NBEAL1: variants seen among roughly 807,000 people sequenced by gnomAD.
NBEAL1 encodes the protein neurobeachin-like protein 1.
A neutral mutation model predicts 351.3 loss-of-function variants in NBEAL1; 273 were observed. That is an observed-to-expected ratio of 0.78 (90% CI 0.70 to 0.86). The LOEUF (loss-of-function observed/expected upper bound fraction) is 0.86. Ranked by LOEUF, NBEAL1 falls within the 40% of genes least tolerant of loss-of-function variation. The pLI is 0.00. For missense variants in NBEAL1, 2,961 were observed against 3,201.3 expected, an observed-to-expected ratio of 0.92 and a Z score of 1.81; for synonymous variants, 1,050 against 1,086.4, an observed-to-expected ratio of 0.97 and a Z score of 0.66.
rs763314269 is a variant in NBEAL1 at position 203,126,850 on chromosome 2, A to G, written c.3172A>G (p.Ile1058Val). 4.1e-5 allele frequency: 63 copies of G among 1,552,464 alleles called. 1 individual carries two copies. In the South Asian group the frequency reaches 6.9e-4, roughly 17 times the overall value. Reference protein sequence around the residue: ...IGHIQYLSTIIKDSRRVFRKK... With the variant: ...IGHIQYLSTIVKDSRRVFRKK... The stretch of plus-strand genomic sequence containing the variant: ...TCACATACAGTATCTTTCAACCATC[A>G]TTAAAGACAGCAGGAGAGTTTTCCG... Residue 1058 changes from isoleucine (I) to valine (V), a missense_variant, in exon 23 of 56, where the codon ATT (isoleucine) becomes GTT (valine). Coordinates refer to ENST00000683969, the MANE Select transcript of NBEAL1 (RefSeq NM_001378026.1).
rs772281297 is a variant in NBEAL1, at chr2:203,211,034, A to C, written c.7862A>C (p.Asp2621Ala). 23 of 1,607,750 alleles carry C rather than the reference A, an allele frequency of 1.4e-5. No individual in the cohort carries two copies. Among genetic ancestry groups the C allele is most frequent in the Middle Eastern group, 3.3e-4 (2 of 6,046 alleles). ...GSQILKEQVS[D>A]ICIIGEHIVT... is the part of the protein sequence containing the mutation. ...CAAATCCTGAAGGAACAAGTATCAG[A>C]TATATGTATAATCGGAGAACACATT... Residue 2621 changes from aspartate to alanine, a missense_variant, in exon 54 of 56, where the codon GAT (aspartate) becomes GCT (alanine). By Grantham distance (126) the Asp-to-Ala change is moderately radical (BLOSUM62 -2). Coordinates refer to ENST00000683969, the MANE Select transcript of NBEAL1 (RefSeq NM_001378026.1).
intron 29 of NBEAL1, among the ~76,000 whole-genome samples, chr2:203,137,799 C>A (rs762379811): frequency 6.6e-6 from 1 of 151,970 alleles, no homozygotes; most frequent in Non-Finnish European, 1.5e-5. Context: ...GCCTATCCAA[C>A]ATGGCAAAAC....
chr2:203,049,219 C>T (rs13396160), intron 3 of NBEAL1, among the ~76,000 whole-genome samples: 61,422 of 151,732 alleles, frequency 0.4, 12,832 homozygotes, highest in East Asian at 0.63. Flanking sequence ...ACAATGAAAC[C>T]AGCTAATTTT....
At chr2:203,133,190 C>A in intron 27 of NBEAL1, 44 bp downstream of exon 27, 1 of 814,122 alleles carries the variant, frequency 1.2e-6, no homozygotes, top group South Asian at 2.1e-5. Flanking sequence ...GCAGCATCAC[C>A]ATCATGCTAT....
chr2:203,212,399 G>A (rs1290784870), intron 54 of NBEAL1, among the ~76,000 whole-genome samples: 3 of 151,634 alleles, frequency 2.0e-5, no homozygotes, highest in Non-Finnish European at 2.9e-5. Flanking sequence ...TTGAGGTCAG[G>A]AGTTCAAGAC....
At position 203,193,888 on chromosome 2, in the gene NBEAL1, G is replaced by C. The variant is rs758383965; in HGVS notation, c.7015G>C (p.Glu2339Gln). ...STLNLFQHLP[E>Q]LKSFFIEGIS... Reference sequence around the variant, plus strand: ...CCTAAACCTGTTTCAACACCTTCCTGAACTCAAGTCATTTTTTATAGAGGT... The same window carrying C: ...CCTAAACCTGTTTCAACACCTTCCTCAACTCAAGTCATTTTTTATAGAGGT... The change falls in exon 47 of 56, where the codon GAA becomes CAA. Residue 2339 changes from glutamate (E) to glutamine (Q), a missense_variant. Physicochemically the swap from Glu to Gln is conservative, Grantham distance 29 (BLOSUM62 2). Transcript: ENST00000683969. 6.2e-7 allele frequency: 1 copy of C among 1,606,686 alleles called. No individual in the cohort carries two copies. The highest frequency in any genetic ancestry group is 1.1e-5 in the South Asian group (1 of 90,128).
intron 34 of NBEAL1, 36 bp downstream of exon 34, chr2:203,149,184 C>A: frequency 6.6e-7 from 1 of 1,507,940 alleles, no homozygotes; most frequent in South Asian, 1.4e-5. Flanking sequence ...ACTCCTTTTT[C>A]TTTAGTACTC....
chr2:203,128,262 CTTTTTTTTTTTT>C (rs11355179), intron 24 of NBEAL1, among the ~76,000 whole-genome samples: 1 of 94,936 alleles, frequency 1.1e-5, no homozygotes, highest in Non-Finnish European at 2.0e-5. Flanking sequence ...AATTTTTTGC[CTTTTTTTTTTTT>C]TTTTTTTTTT....
In NBEAL1 at chr2:203,201,705, C is replaced by T. The variant is rs2065404382; in HGVS notation, c.7401C>T (p.Ile2467=). The change falls in exon 50 of 56, where the codon ATC becomes ATT. Residue 2467 remains isoleucine, a synonymous_variant. Transcript: ENST00000683969. ...AAGGCAAAATTATCTCACACATCAT[C>T]CGGCATATGGGTAAGCATTAGCTTT... ...LTKGKIISHI[I]RHMDIVTCLA... is the part of the protein sequence containing the mutation. 3.1e-6 allele frequency: 5 copies of T among 1,598,752 alleles called. No homozygotes were observed. The highest frequency in any genetic ancestry group is 4.3e-6 in the Non-Finnish European group (5 of 1,171,326).
At chr2:203,028,764 T>C (rs1395231000) in intron 2 of NBEAL1, among the ~76,000 whole-genome samples, 1 of 152,102 alleles carries the variant, frequency 6.6e-6, no homozygotes, top group Non-Finnish European at 1.5e-5. Flanking sequence ...TGTATGCACA[T>C]GTCCCTTGAA....
At chr2:203,103,296 C>T (rs1317943589) in intron 12 of NBEAL1, among the ~76,000 whole-genome samples, 1 of 150,566 alleles carries the variant, frequency 6.6e-6, no homozygotes, top group Non-Finnish European at 1.5e-5. Context: ...TTTTTGGAGA[C>T]AGAGTCTCTG....
chr2:203,090,237 C>T (rs2062038582), intron 10 of NBEAL1, among the ~76,000 whole-genome samples: 1 of 152,006 alleles, frequency 6.6e-6, no homozygotes, highest in African/African-American at 2.4e-5. Context: ...GGTACAAGTG[C>T]AGTTTTGTTA....
intron 36 of NBEAL1, among the ~76,000 whole-genome samples, chr2:203,164,010 G>T (rs921803052): frequency 6.6e-6 from 1 of 151,840 alleles, no homozygotes; most frequent in African/African-American, 2.4e-5. Flanking sequence ...CTGTATACAA[G>T]AATTTTTTCA....
At chr2:203,166,541 G>A (rs2064136882) in intron 37 of NBEAL1, among the ~76,000 whole-genome samples, 1 of 151,990 alleles carries the variant, frequency 6.6e-6, no homozygotes. Flanking sequence ...ACAAAATACA[G>A]TGTTTATTAT....
intron 36 of NBEAL1, among the ~76,000 whole-genome samples, chr2:203,159,984 AC>A (rs1177081248): frequency 6.6e-6 from 1 of 150,626 alleles, no homozygotes; most frequent in Non-Finnish European, 1.5e-5. Context: ...TTTTCCTAGT[AC>A]CTAATAATGT....
At chr2:203,214,063 A>G (rs1356111337) in intron 55 of NBEAL1, among the ~76,000 whole-genome samples, 2 of 152,212 alleles carry the variant, frequency 1.3e-5, no homozygotes, top group African/African-American at 4.8e-5. Context: ...TTTTATTTGT[A>G]ACTACAAATA....
chr2:203,144,530 G>C, intron 31 of NBEAL1, 70 bp from the exon 32 acceptor site: 1 of 1,415,076 alleles, frequency 7.1e-7, no homozygotes, highest in Non-Finnish European at 9.6e-7. Context: ...CACAGAGCCA[G>C]GCAGAACTTG....
chr2:203,208,594 A>G (rs2065677080), intron 51 of NBEAL1, 43 bp from the exon 52 acceptor site: 2 of 1,425,576 alleles, frequency 1.4e-6, no homozygotes, highest in Non-Finnish European at 2.0e-6. Flanking sequence ...AAAACAGGAA[A>G]CAAGAAACCA....
Position 203,127,807 on chromosome 2 carries a change from CTCTAGATGATATTCGA to C in NBEAL1, c.3276_3291del (p.Leu1093GlnfsTer2). On this transcript the variant is annotated frameshift_variant, in exon 24 of 56. Transcript: ENST00000683969. LOFTEE classifies it high-confidence loss of function. ...AATGGTTGTAAATATAATGAACTATCTCTAGATGATATTCGAACAATAAGGACTTCTTTGTATGGAC... is the reference window on the plus strand; with the variant it reads ...AATGGTTGTAAATATAATGAACTATCACAATAAGGACTTCTTTGTATGGAC... 1.3e-6 allele frequency: 2 copies of C among 1,516,256 alleles called. No homozygotes were observed. Among genetic ancestry groups the C allele is most frequent in the South Asian group, 2.4e-5 (2 of 83,306 alleles). 93.9% of individuals were successfully genotyped at this position (1,516,256 alleles called of 1,614,324 possible). A position where few individuals can be genotyped will look rare whatever the true frequency, so the allele number is the denominator to read the frequency against.
Sources: allele counts gnomAD v4.1 joint callset (sites outside exome capture counted in the v4.1 genomes callset), GRCh38; gene constraint gnomAD v4.1.1; transcripts MANE v1.5; gene names NCBI Gene and HGNC (gene_info 2026-07-23, HGNC 2026-07-21).